The following MEIG1 variants were observed in gnomAD, a reference collection of about 807,000 sequenced individuals.
The protein encoded by MEIG1 is meiosis expressed gene 1 protein homolog.
A neutral mutation model predicts 11.3 loss-of-function variants in MEIG1; 12 were observed. The ratio of observed to expected loss-of-function variants is 1.07; its 90% CI spans 0.68 to 1.73. The LOEUF is 1.73. Ranked by LOEUF, MEIG1 falls within the 40% of genes most tolerant of loss-of-function variation. The pLI is 0.00. For missense variants in MEIG1, 119 were observed against 104.9 expected (o/e 1.13, Z -0.59); for synonymous variants, 41 against 33.2 (o/e 1.24, Z -0.81).
At chr10:14,980,223 A>G (rs1377952958) in intron 1 of MEIG1, among the ~76,000 whole-genome samples, 2 of 152,136 alleles carry the variant, frequency 1.3e-5, no homozygotes, top group Non-Finnish European at 2.9e-5. Context: ...CTCCCACCAT[A>G]CAAATTGTGT....
At chr10:14,972,311 G>A (rs1438759911) in intron 2 of MEIG1, among the ~76,000 whole-genome samples, 1 of 152,092 alleles carries the variant, frequency 6.6e-6, no homozygotes, top group East Asian at 1.9e-4. Context: ...TACTGCACTC[G>A]GCCTGAATTA....
At chr10:14,976,018 G>C (rs1843205845), downstream of MEIG1, among the ~76,000 whole-genome samples, 1 of 152,188 alleles carries the variant, frequency 6.6e-6, no homozygotes, top group Admixed American at 6.5e-5. Context: ...TCAACACGCT[G>C]TGACCACCGT....
intron 1 of MEIG1, among the ~76,000 whole-genome samples, chr10:14,986,202 G>A (rs574169103): frequency 6.6e-6 from 1 of 152,282 alleles, no homozygotes; most frequent in African/African-American, 2.4e-5. Context: ...GCGCATGCCT[G>A]TAATCCCAGC....
chr10:14,976,994 G>A (rs1843216568), downstream of MEIG1, among the ~76,000 whole-genome samples: 1 of 151,962 alleles, frequency 6.6e-6, no homozygotes, highest in African/African-American at 2.4e-5. Flanking sequence ...ATCCACGGGG[G>A]ATGTTACTTC....
intron 1 of MEIG1, among the ~76,000 whole-genome samples, chr10:14,982,086 T>C (rs2131283463): frequency 6.6e-6 from 1 of 152,354 alleles, no homozygotes; most frequent in Non-Finnish European, 1.5e-5. Context: ...ATGTGAATCA[T>C]GCGCTGATTT....
chr10:14,963,423 C>A (rs1192244769), intron 1 of MEIG1, among the ~76,000 whole-genome samples: 1 of 152,134 alleles, frequency 6.6e-6, no homozygotes, highest in Non-Finnish European at 1.5e-5. Context: ...TTTCTTAGAA[C>A]CTTTTTCCTG....
chr10:14,966,710 A>T, intron 2 of MEIG1, 104 bp downstream of exon 2: 6 of 995,946 alleles, frequency 6.0e-6, no homozygotes, highest in Admixed American at 2.6e-5. Flanking sequence ...TTCGACTCCA[A>T]CTCTCTCATT....
chr10:14,954,971 G>A (rs533477203), upstream of MEIG1, among the ~76,000 whole-genome samples: 2 of 152,176 alleles, frequency 1.3e-5, no homozygotes, highest in South Asian at 2.1e-4. Flanking sequence ...TAGTTCTATC[G>A]CCCAGGCTGG....
chr10:14,955,170 G>A (rs993949343), upstream of MEIG1, among the ~76,000 whole-genome samples: 1 of 152,140 alleles, frequency 6.6e-6, no homozygotes, highest in Admixed American at 6.6e-5. Flanking sequence ...GGCCTCATGC[G>A]ATCCGCTCGC....
At chr10:14,986,975 G>A (rs1843324784) in exon 2 of MEIG1, 5 of 692,376 alleles carry the variant, frequency 7.2e-6, no homozygotes, top group South Asian at 5.8e-5. Flanking sequence ...GAATCCAACA[G>A]GCTAAGGAAA....
chr10:14,974,074 G>A (rs1459112581), downstream of MEIG1, among the ~76,000 whole-genome samples: 1 of 152,168 alleles, frequency 6.6e-6, no homozygotes, highest in Non-Finnish European at 1.5e-5. Flanking sequence ...CAGAGACCTT[G>A]TTAACGTTTG....
intron 2 of MEIG1, among the ~76,000 whole-genome samples, chr10:14,968,025 T>C (rs1334893719): frequency 1.3e-5 from 2 of 152,220 alleles, no homozygotes; most frequent in Non-Finnish European, 2.9e-5. Context: ...TAAATATATT[T>C]TAATTTTTAG....
At chr10:14,956,906 G>C (rs1842958527), upstream of MEIG1, among the ~76,000 whole-genome samples, 1 of 152,112 alleles carries the variant, frequency 6.6e-6, no homozygotes, top group South Asian at 2.1e-4. Context: ...GATGCAAAAA[G>C]AATTAGCCGG....
chr10:14,979,133 C>G (rs1315932769), intron 1 of MEIG1, among the ~76,000 whole-genome samples: 1 of 151,994 alleles, frequency 6.6e-6, no homozygotes, highest in South Asian at 2.1e-4. Flanking sequence ...GGGGTGTACT[C>G]CCTGTGATAT....
downstream of MEIG1, among the ~76,000 whole-genome samples, chr10:14,974,112 C>G (rs1454492212): frequency 6.6e-6 from 1 of 152,132 alleles, no homozygotes; most frequent in East Asian, 1.9e-4. Context: ...CTCTTTAATC[C>G]TTCCAAGAGA....
chr10:14,955,189 C>T (rs1842911389), upstream of MEIG1, among the ~76,000 whole-genome samples: 1 of 152,226 alleles, frequency 6.6e-6, no homozygotes, highest in African/African-American at 2.4e-5. Context: ...GCCTCGGCCT[C>T]CCAAAGTGCT....
chr10:14,975,592 G>C (rs1338528727), downstream of MEIG1, among the ~76,000 whole-genome samples: 1 of 152,042 alleles, frequency 6.6e-6, no homozygotes, highest in East Asian at 1.9e-4. Flanking sequence ...GATATTTTTT[G>C]TAATGTGCAG....
upstream of MEIG1, among the ~76,000 whole-genome samples, chr10:14,955,820 T>G (rs892035490): frequency 1.3e-5 from 2 of 151,646 alleles, no homozygotes; most frequent in African/African-American, 4.8e-5. Context: ...GGAGGAGGGG[T>G]GACATGGAAA....
rs1185417030 is a variant in MEIG1 at position 14,965,630 on chromosome 10, C to A, written c.-29-810C>A. Among the ~76,000 whole-genome samples the A allele has an allele frequency of 2.0e-5, 3 of 150,612 alleles. No homozygotes were observed. In the Admixed American group the frequency reaches 2.0e-4, roughly 10 times the overall value. ...AGAATAAACCATCCCCTCCCAGAAA[C>A]AAGAAAGCGAACAGAGTGAGAAGAC... On this transcript the variant is annotated intron_variant, in intron 1 of 2. Coordinates refer to ENST00000407572, the MANE Select transcript of MEIG1 (RefSeq NM_001080836.3).
Sources: gnomAD v4.1 joint callset for allele counts (sites outside exome capture counted in the v4.1 genomes callset) on GRCh38, gnomAD v4.1.1 for gene constraint, MANE v1.5 for transcripts, NCBI Gene and HGNC (gene_info 2026-07-23, HGNC 2026-07-21) for gene names.